USP35: variants seen among roughly 807,000 people sequenced by gnomAD.
USP35 encodes ubiquitin specific peptidase 35.
A neutral mutation model predicts 83.8 loss-of-function variants in USP35; 69 were observed. That is an observed-to-expected ratio of 0.82 (90% CI 0.68 to 1.01). The LOEUF is 1.01. Ranked by LOEUF, USP35 falls within the 50% of genes least tolerant of loss-of-function variation. The pLI, the probability that USP35 is intolerant of heterozygous loss-of-function variation, is 0.00. For missense variants in USP35, 1,503 were observed against 1,362.5 expected, an observed-to-expected ratio of 1.10 and a Z score of -1.62; for synonymous variants, 714 against 589.5, an observed-to-expected ratio of 1.21 and a Z score of -3.06.
intron 2 of USP35, 152 bp downstream of exon 2, chr11:78,197,070 C>T: frequency 2.3e-6 from 3 of 1,331,992 alleles, no homozygotes; most frequent in Non-Finnish European, 1.9e-6. Flanking sequence ...CTGCAGCCTG[C>T]CTTCATGTAG....
At chr11:78,224,989 G>C in the USP35 span, 24 of 664,170 alleles carry the variant, frequency 3.6e-5, no homozygotes, top group Admixed American at 1.8e-4. Context: ...CAAGAACTTG[G>C]GCAGGGTCCT....
At chr11:78,211,857 G>A (rs1863791393) in intron 10 of USP35, among the ~76,000 whole-genome samples, 1 of 152,130 alleles carries the variant, frequency 6.6e-6, no homozygotes, top group Admixed American at 6.5e-5. Flanking sequence ...AGGTCAGATG[G>A]GTAGTTTGCA....
intron 6 of USP35, among the ~76,000 whole-genome samples, chr11:78,204,109 C>T (rs1237714955): frequency 6.6e-6 from 1 of 151,838 alleles, no homozygotes; most frequent in Admixed American, 6.6e-5. Context: ...CCGGGATGGT[C>T]TCGATCTCCT....
chr11:78,220,714 G>A, the USP35 span, among the ~76,000 whole-genome samples: 1 of 152,144 alleles, frequency 6.6e-6, no homozygotes, highest in Admixed American at 6.5e-5. Flanking sequence ...CACAGCTGTT[G>A]AGTGATGGGA....
chr11:78,214,696 GTAAGCC>G lies in USP35; in HGVS notation c.*889_*894del, dbSNP rs1864024136. The G allele has an allele frequency of 6.7e-6, 1 of 149,232 alleles. No individual in the cohort carries two copies. The highest frequency in any genetic ancestry group is 2.4e-5 in the African/African-American group (1 of 41,158). The allele number at this position is 149,232 out of a possible 1,614,324, so 9.2% of individuals were successfully genotyped here. A position where few individuals can be genotyped will look rare whatever the true frequency, so the allele number is the denominator to read the frequency against. On this transcript the variant is annotated 3_prime_UTR_variant, in exon 11 of 11. Coordinates refer to ENST00000529308, the MANE Select transcript of USP35 (RefSeq NM_020798.4). Reference sequence around the variant, plus strand: ...CACCCATGTTCATAAATAAATAAAAGTAAGCCTAAGCAAGAGATTGTTCTTCCTTGG... The same window carrying G: ...CACCCATGTTCATAAATAAATAAAAGTAAGCAAGAGATTGTTCTTCCTTGG...
At chr11:78,208,675 G>A (rs1201943540) in intron 8 of USP35, among the ~76,000 whole-genome samples, 182 bp from the exon 9 acceptor site, 1 of 152,216 alleles carries the variant, frequency 6.6e-6, no homozygotes, top group Non-Finnish European at 1.5e-5. Context: ...GCCCTGCTCA[G>A]AGGCGTGGAC....
At chr11:78,201,870 G>T (rs1863369954) in intron 6 of USP35, among the ~76,000 whole-genome samples, 1 of 152,176 alleles carries the variant, frequency 6.6e-6, no homozygotes, top group Admixed American at 6.5e-5. Flanking sequence ...AAGGCAGGTT[G>T]GGTGGGGTGA....
chr11:78,230,634 A>G, the USP35 span, among the ~76,000 whole-genome samples: 2 of 152,274 alleles, frequency 1.3e-5, no homozygotes, highest in Admixed American at 1.3e-4. Flanking sequence ...ACCCTGGCAT[A>G]GTGCCAGGCA....
chr11:78,209,003 G>C, intron 9 of USP35, 40 bp downstream of exon 9: 9 of 1,589,884 alleles, frequency 5.7e-6, no homozygotes, highest in African/African-American at 1.3e-5. Context: ...CAGGTCTAGA[G>C]GGTCCTTGGG....
the USP35 span, chr11:78,223,356 T>C: frequency 1.4e-6 from 2 of 1,408,974 alleles, no homozygotes; most frequent in Non-Finnish European, 9.4e-7. Flanking sequence ...CCTAAGCAAA[T>C]GGAAAGAGTC....
At position 78,213,521 on chromosome 11, in the gene USP35, A is replaced by G. The variant is rs115504608; in HGVS notation, c.2890-125A>G. ...CCGGATATCCTGCCACTGAGCTGCA[A>G]TGTCTCTGTGTGTCCAGGCCCTGGG... On this transcript the variant is annotated intron_variant, in intron 10 of 10. Transcript: ENST00000529308. 1.7e-3 allele frequency: 1,932 copies of G among 1,138,654 alleles called. 30 individuals are homozygous for G. In the African/African-American group the frequency reaches 0.026, roughly 15 times the overall value. The allele number at this position is 1,138,654 out of a possible 1,614,324, so 70.5% of individuals were successfully genotyped here. A position where few individuals can be genotyped will look rare whatever the true frequency, so the allele number is the denominator to read the frequency against.
rs114108729 is a variant in USP35, at chr11:78,212,909, G to A, written c.2890-737G>A. ...AGTCTGAGGGGGAGGAGGATGCTTC[G>A]GGTGTGGGGGGAGGGGGTCCCACTA... On this transcript the variant is annotated intron_variant, in intron 10 of 10. Transcript: ENST00000529308. Among the ~76,000 whole-genome samples the A allele has an allele frequency of 1.9e-4, 29 of 152,172 alleles. No homozygotes were observed. The South Asian group carries it at 5.4e-3, about 28-fold the overall frequency.
the USP35 span, among the ~76,000 whole-genome samples, chr11:78,225,723 T>C: frequency 6.6e-6 from 1 of 152,216 alleles, no homozygotes; most frequent in Non-Finnish European, 1.5e-5. Flanking sequence ...GAGTCTCATC[T>C]CTGGCACAAT....
the USP35 span, among the ~76,000 whole-genome samples, chr11:78,221,189 C>A: frequency 3.3e-5 from 5 of 152,218 alleles, no homozygotes; most frequent in Non-Finnish European, 5.9e-5. Context: ...TTGGTTAATT[C>A]ATTCTTTCAC....
the USP35 span, chr11:78,222,231 T>A: frequency 7.5e-7 from 1 of 1,329,954 alleles, no homozygotes; most frequent in Non-Finnish European, 1.1e-6. Context: ...AATCAGCCAG[T>A]AATGATAATG....
At chr11:78,230,300 C>T in the USP35 span, among the ~76,000 whole-genome samples, 1,189 of 152,332 alleles carry the variant, frequency 7.8e-3, 14 homozygotes, top group African/African-American at 0.027. Context: ...GTCTCGCTCA[C>T]AGAACTACTC....
At chr11:78,230,945 G>A in the USP35 span, among the ~76,000 whole-genome samples, 1 of 152,180 alleles carries the variant, frequency 6.6e-6, no homozygotes, top group Admixed American at 6.5e-5. Context: ...TTTGTGGGAT[G>A]GATAATCCAC....
the USP35 span, among the ~76,000 whole-genome samples, chr11:78,228,064 G>T: frequency 6.6e-6 from 1 of 152,194 alleles, no homozygotes; most frequent in Non-Finnish European, 1.5e-5. Context: ...GGAGACTTGT[G>T]TTAGGTTCCA....
At chr11:78,225,546 A>G in the USP35 span, among the ~76,000 whole-genome samples, 9 of 152,130 alleles carry the variant, frequency 5.9e-5, no homozygotes, top group African/African-American at 2.2e-4. Flanking sequence ...CCTGATTTAT[A>G]TGTGTTGGTT....
Sources: gnomAD v4.1 joint callset for allele counts (sites outside exome capture counted in the v4.1 genomes callset) on GRCh38, gnomAD v4.1.1 for gene constraint, MANE v1.5 for transcripts, NCBI Gene and HGNC (gene_info 2026-07-23, HGNC 2026-07-21) for gene names.